STK32C: variants seen among roughly 807,000 people sequenced by gnomAD.
STK32C encodes the protein serine/threonine kinase 32C, also known as serine/threonine-protein kinase 32C.
A neutral mutation model predicts 56.5 loss-of-function variants in STK32C; 31 were observed. That is an observed-to-expected ratio of 0.55 (90% confidence interval 0.41 to 0.74). STK32C has a LOEUF of 0.74. Ranked by LOEUF, STK32C falls within the 30% of genes least tolerant of loss-of-function variation. The pLI, the probability that STK32C is intolerant of heterozygous loss-of-function variation, is 0.00. For missense variants in STK32C, 544 were observed against 676.9 expected (o/e 0.80, Z 2.18); for synonymous variants, 309 against 289.4 (o/e 1.07, Z -0.69).
intron 11 of STK32C, among the ~76,000 whole-genome samples, chr10:132,208,650 G>T (rs112176260): frequency 1.5e-4 from 23 of 152,308 alleles, no homozygotes; most frequent in African/African-American, 5.1e-4. Flanking sequence ...TGCCTTGCCT[G>T]CTGCCAGTCA....
chr10:132,257,057 AG>A (rs769935297), intron 1 of STK32C, among the ~76,000 whole-genome samples: 1 of 152,182 alleles, frequency 6.6e-6, no homozygotes, highest in Non-Finnish European at 1.5e-5. Flanking sequence ...ATGGATGGGC[AG>A]GGCCCTGTGT....
chr10:132,280,359 T>C (rs61864479), intron 1 of STK32C, among the ~76,000 whole-genome samples: 60,600 of 129,268 alleles, frequency 0.47, 14,260 homozygotes, highest in African/African-American at 0.63. Flanking sequence ...TCCGTGACCA[T>C]GCCCCTGCAC....
intron 1 of STK32C, chr10:132,331,393 C>T (rs1363327844): frequency 6.4e-7 from 1 of 1,565,274 alleles, no homozygotes; most frequent in South Asian, 1.2e-5. Flanking sequence ...GGTGTCATTT[C>T]ATCTTCTTCC....
At chr10:132,331,975 T>A, upstream of STK32C, 1 of 299,632 alleles carries the variant, frequency 3.3e-6, no homozygotes, top group Non-Finnish European at 5.4e-6. Context: ...CCCCGCCCCC[T>A]CCCGGGCAGG....
chr10:132,291,789 T>C (rs1323089889), intron 1 of STK32C, among the ~76,000 whole-genome samples: 2 of 117,388 alleles, frequency 1.7e-5, no homozygotes, highest in Non-Finnish European at 3.3e-5. Context: ...CGTCCTGCAC[T>C]GAAGACCCTC....
chr10:132,223,506 TG>T, intron 8 of STK32C, among the ~76,000 whole-genome samples: 1 of 152,360 alleles, frequency 6.6e-6, no homozygotes, highest in South Asian at 2.1e-4. Flanking sequence ...TTCCCAGACC[TG>T]GGCTTGGGCG....
intron 8 of STK32C, among the ~76,000 whole-genome samples, chr10:132,223,617 A>G (rs1250995086): frequency 6.6e-6 from 1 of 152,152 alleles, no homozygotes; most frequent in Non-Finnish European, 1.5e-5. Context: ...GCTACAGCAG[A>G]GTTAAGAGAC....
chr10:132,231,210 G>A (rs1006952726), intron 2 of STK32C, among the ~76,000 whole-genome samples: 3 of 152,162 alleles, frequency 2.0e-5, no homozygotes, highest in East Asian at 1.9e-4. Flanking sequence ...GCCTGGCCTC[G>A]CACACCCACG....
intron 1 of STK32C, among the ~76,000 whole-genome samples, chr10:132,303,390 A>G: frequency 6.6e-6 from 1 of 152,268 alleles, no homozygotes; most frequent in East Asian, 1.9e-4. Context: ...GACTGCTGTC[A>G]CATAAAGGCA....
chr10:132,300,421 A>G (rs1476749140), intron 1 of STK32C, among the ~76,000 whole-genome samples: 1 of 152,110 alleles, frequency 6.6e-6, no homozygotes, highest in Non-Finnish European at 1.5e-5. Context: ...AGGAGGCTGG[A>G]TGGAATCTGG....
chr10:132,222,507 A>G, intron 10 of STK32C, 134 bp downstream of exon 10: 2 of 1,190,566 alleles, frequency 1.7e-6, no homozygotes, highest in South Asian at 1.5e-5. Context: ...TGGCCTTCTC[A>G]GGACTTCAGG....
chr10:132,221,630 A>C (rs965837513), intron 10 of STK32C, among the ~76,000 whole-genome samples: 3 of 142,652 alleles, frequency 2.1e-5, no homozygotes, highest in Non-Finnish European at 3.0e-5. Flanking sequence ...CCGTCCCCCC[A>C]CACACAACTG....
At chr10:132,317,119 T>G (rs538201783) in intron 1 of STK32C, among the ~76,000 whole-genome samples, 2 of 152,274 alleles carry the variant, frequency 1.3e-5, no homozygotes, top group South Asian at 4.1e-4. Context: ...AAAATATAAT[T>G]TATCTACAAG....
intron 1 of STK32C, among the ~76,000 whole-genome samples, chr10:132,327,881 C>T (rs1019005889): frequency 7.9e-5 from 12 of 152,104 alleles, no homozygotes; most frequent in African/African-American, 2.7e-4. Flanking sequence ...GACTTTGGGC[C>T]TGTGGGGGCT....
intron 1 of STK32C, among the ~76,000 whole-genome samples, chr10:132,280,694 T>C (rs1158172466): frequency 1.3e-5 from 2 of 149,370 alleles, no homozygotes; most frequent in African/African-American, 5.0e-5. Context: ...CTCCACTCCG[T>C]GATCATGAAC....
chr10:132,236,465 G>A (rs74161745), intron 2 of STK32C, among the ~76,000 whole-genome samples: 3,913 of 152,350 alleles, frequency 0.026, 135 homozygotes, highest in East Asian at 0.072. Flanking sequence ...CACACACTGG[G>A]CAGCTGTGTC....
At chr10:132,279,926 G>A (rs1190531103) in intron 1 of STK32C, among the ~76,000 whole-genome samples, 2 of 125,116 alleles carry the variant, frequency 1.6e-5, no homozygotes, top group East Asian at 4.9e-4. Flanking sequence ...TGATCACGCT[G>A]AGGCCTCCAC....
chr10:132,272,405 C>G (rs1334889153), intron 1 of STK32C, among the ~76,000 whole-genome samples: 2 of 152,194 alleles, frequency 1.3e-5, no homozygotes. Flanking sequence ...ACAACCCGAG[C>G]AAATGAATAC....
At chr10:132,299,811 G>A (rs1287707469) in intron 1 of STK32C, among the ~76,000 whole-genome samples, 5 of 152,336 alleles carry the variant, frequency 3.3e-5, no homozygotes, top group South Asian at 4.1e-4. Context: ...TGAGAAACGC[G>A]GTGCCAGGAC....
Sources: allele counts gnomAD v4.1 joint callset (sites outside exome capture counted in the v4.1 genomes callset), GRCh38; gene constraint gnomAD v4.1.1; transcripts MANE v1.5; gene names NCBI Gene and HGNC (gene_info 2026-07-23, HGNC 2026-07-21).